Variants in FAM53A observed in about 807,000 individuals in gnomAD.
FAM53A encodes protein FAM53A.
FAM53A carries 28 observed loss-of-function variants against 26.6 expected under a neutral mutation model. The observed-to-expected ratio is 1.05, with a 90% CI of 0.78 to 1.45. The LOEUF (loss-of-function observed/expected upper bound fraction) is 1.45. Ranked by LOEUF, FAM53A falls within the 40% of genes most tolerant of loss-of-function variation. The probability of loss-of-function intolerance (pLI) is 0.00; values close to 1 mark genes in which losing one functional copy is unlikely to be tolerated. For synonymous variants in FAM53A, 290 were observed against 253.1 expected (o/e 1.15, Z -1.38); for missense variants, 650 against 575.8 (o/e 1.13, Z -1.32).
At position 1,640,387 on chromosome 4, in the gene FAM53A, G is replaced by A. The variant is rs1334744830; in HGVS notation, c.*906C>T. The A allele has an allele frequency of 3.9e-6, 1 of 258,424 alleles. No individual in the cohort carries two copies. The highest frequency in any genetic ancestry group is 2.4e-5 in the African/African-American group (1 of 42,086). The allele number at this position is 258,424 out of a possible 1,614,324, so 16.0% of individuals were successfully genotyped here. On this transcript the variant is annotated 3_prime_UTR_variant, in exon 5 of 5. Coordinates refer to ENST00000308132, the MANE Select transcript of FAM53A (RefSeq NM_001174070.3). The stretch of plus-strand genomic sequence containing the variant: ...GTGGGACTCTGACCACCAACGCCCG[G>A]GGTTTCCTAGCAACTAAAGCACACA...
intron 2 of FAM53A, among the ~76,000 whole-genome samples, 182 bp downstream of exon 2, chr4:1,668,485 C>T (rs950347863): frequency 1.1e-4 from 16 of 152,120 alleles, no homozygotes; most frequent in South Asian, 2.1e-4. Flanking sequence ...GGTGAAAATC[C>T]GCTGTGATTA....
chr4:1,583,565 C>T, the FAM53A span, among the ~76,000 whole-genome samples: 6 of 152,358 alleles, frequency 3.9e-5, no homozygotes, highest in African/African-American at 9.6e-5. Flanking sequence ...TGTGCAGCTC[C>T]GGTTACAAGG....
the FAM53A span, among the ~76,000 whole-genome samples, chr4:1,607,928 G>A: frequency 2.1e-5 from 3 of 140,254 alleles, no homozygotes; most frequent in African/African-American, 8.4e-5. Flanking sequence ...CAAAAAGAGT[G>A]AGACTCCGTC....
chr4:1,618,578 G>T (rs73795182), intron 1 of FAM53A, among the ~76,000 whole-genome samples: 10,596 of 152,266 alleles, frequency 0.07, 1,118 homozygotes, highest in African/African-American at 0.23. Context: ...CTCTGGGGAA[G>T]GAAGACGGGA....
Position 1,655,318 on chromosome 4 carries a change from G to T in FAM53A, c.542C>A (p.Ser181Ter). The T allele has an allele frequency of 7.0e-7, 1 of 1,419,670 alleles. No homozygotes were observed. The highest frequency in any genetic ancestry group is 1.5e-5 in the South Asian group (1 of 65,576). The allele number at this position is 1,419,670 out of a possible 1,614,324, so 87.9% of individuals were successfully genotyped here. ...RSAVWSTGPT[S>*]PATPRPSSAS... is the part of the protein sequence containing the mutation. ...GGAGGACGGCCGGGGCGTGGCGGGC[G>T]AGGTGGGACCGGTCGACCACACAGC... The change falls in exon 4 of 5, where the codon TCG becomes TAG. Residue 181 changes from serine (S) to a stop codon, truncating the protein, a stop_gained. Transcript: ENST00000308132. LOFTEE classifies it high-confidence loss of function.
the FAM53A span, among the ~76,000 whole-genome samples, chr4:1,583,185 C>G: frequency 4.6e-5 from 7 of 152,084 alleles, no homozygotes; most frequent in African/African-American, 9.7e-5. Context: ...AAATCATGTT[C>G]TCTGGGAGGG....
intron 1 of FAM53A, among the ~76,000 whole-genome samples, chr4:1,678,381 C>T (rs1234606577): frequency 6.6e-6 from 1 of 152,132 alleles, no homozygotes; most frequent in Non-Finnish European, 1.5e-5. Context: ...AAAGAACAGA[C>T]AATTGTATCA....
the FAM53A span, among the ~76,000 whole-genome samples, chr4:1,595,961 G>A: frequency 4.6e-5 from 7 of 152,254 alleles, no homozygotes; most frequent in Non-Finnish European, 7.3e-5. Flanking sequence ...GTCTGCCCAA[G>A]GCACGGCTGA....
intron 1 of FAM53A, among the ~76,000 whole-genome samples, chr4:1,621,189 G>GC (rs964919225): frequency 1.0e-4 from 14 of 134,272 alleles, no homozygotes; most frequent in Non-Finnish European, 1.5e-4. Flanking sequence ...TACAGGCTCC[G>GC]CCCCCCAGGG....
intron 4 of FAM53A, among the ~76,000 whole-genome samples, chr4:1,642,301 G>A (rs12508137): frequency 0.21 from 31,622 of 152,122 alleles, 3,897 homozygotes; most frequent in Admixed American, 0.3. Flanking sequence ...GGCAAGGCCC[G>A]CCCTCATCCC....
the FAM53A span, among the ~76,000 whole-genome samples, chr4:1,598,801 C>G: frequency 6.6e-6 from 1 of 152,226 alleles, no homozygotes; most frequent in Non-Finnish European, 1.5e-5. Flanking sequence ...GGATGGAGCC[C>G]GGCGGGCGGA....
At chr4:1,660,771 C>G (rs1170962129) in intron 2 of FAM53A, among the ~76,000 whole-genome samples, 1 of 151,886 alleles carries the variant, frequency 6.6e-6, no homozygotes, top group Non-Finnish European at 1.5e-5. Flanking sequence ...TGCCTGTAGT[C>G]CCAGCTACTC....
rs145542279 is a variant in FAM53A, at chr4:1,675,703, G to A, written c.-164-6798C>T. Among the ~76,000 whole-genome samples the A allele has an allele frequency of 6.2e-3, 938 of 152,294 alleles. 11 individuals are homozygous for A. Among genetic ancestry groups the A allele is most frequent in the African/African-American group, 0.021 (884 of 41,558 alleles). ...CCATACACTGGGCAACCCTTGGCCC[G>A]ACCTCAGCGGAAAGCAGATCACAAT... On this transcript the variant is annotated intron_variant, in intron 1 of 4. Coordinates refer to ENST00000308132, the MANE Select transcript of FAM53A (RefSeq NM_001174070.3).
exon 2 of FAM53A, chr4:1,617,972 A>G (rs1391191675): frequency 2.2e-6 from 1 of 451,738 alleles, no homozygotes; most frequent in Non-Finnish European, 4.5e-6. Flanking sequence ...GTGCCACCAC[A>G]ACAGAACTGA....
chr4:1,652,125 CACACCTCAT>C (rs1250116061), intron 4 of FAM53A, among the ~76,000 whole-genome samples: 6 of 119,050 alleles, frequency 5.0e-5, no homozygotes, highest in Admixed American at 1.7e-4. Flanking sequence ...ACACGCCACA[CACACCTCAT>C]ACACCACACA....
At chr4:1,660,963 T>C (rs1713789863) in intron 2 of FAM53A, among the ~76,000 whole-genome samples, 1 of 151,666 alleles carries the variant, frequency 6.6e-6, no homozygotes, top group South Asian at 2.1e-4. Context: ...TGCACAGGGC[T>C]GGAGGACACC....
At chr4:1,620,771 AC>A (rs1560105854) in intron 1 of FAM53A, among the ~76,000 whole-genome samples, 1 of 122,344 alleles carries the variant, frequency 8.2e-6, no homozygotes, top group Non-Finnish European at 1.8e-5. Flanking sequence ...ATCACTGCCA[AC>A]AACAACAACA....
At chr4:1,684,853 G>A (rs1715713202), upstream of FAM53A, among the ~76,000 whole-genome samples, 2 of 152,360 alleles carry the variant, frequency 1.3e-5, no homozygotes, top group Middle Eastern at 3.4e-3. Flanking sequence ...CGCCGAGGGC[G>A]GACCGTGCTG....
chr4:1,641,735 C>A, intron 4 of FAM53A, 128 bp from the exon 5 acceptor site: 3 of 907,784 alleles, frequency 3.3e-6, no homozygotes, highest in Non-Finnish European at 5.2e-6. Flanking sequence ...AAAGCAGGGG[C>A]CTTGGTCCCC....
Sources: allele counts gnomAD v4.1 joint callset (sites outside exome capture counted in the v4.1 genomes callset), GRCh38; gene constraint gnomAD v4.1.1; transcripts MANE v1.5; gene names NCBI Gene and HGNC (gene_info 2026-07-23, HGNC 2026-07-21).